ANKRD30B: variants seen among roughly 807,000 people sequenced by gnomAD.
ANKRD30B encodes the protein ankyrin repeat domain-containing protein 30B.
Under a neutral mutation model 202.2 loss-of-function variants are expected in ANKRD30B, and 144 were observed. That is an observed-to-expected ratio of 0.71 (90% CI 0.62 to 0.82). The LOEUF is 0.82. Among genes scored for constraint, ANKRD30B ranks in the 40% least tolerant of loss-of-function variants. The pLI, the probability that ANKRD30B is intolerant of heterozygous loss-of-function variation, is 0.00. For missense variants in ANKRD30B, 1,487 were observed against 1,669.1 expected (o/e 0.89, Z 1.90); for synonymous variants, 508 against 561.3 (o/e 0.91, Z 1.34).
chr18:14,886,327 G>A, the ANKRD30B span, among the ~76,000 whole-genome samples: 1 of 151,954 alleles, frequency 6.6e-6, no homozygotes, highest in East Asian at 1.9e-4. Flanking sequence ...TAAGAGGGAT[G>A]GAGGCCCCTT....
At chr18:14,910,562 A>G in the ANKRD30B span, among the ~76,000 whole-genome samples, 4 of 151,486 alleles carry the variant, frequency 2.6e-5, no homozygotes, top group African/African-American at 7.3e-5. Flanking sequence ...CATTTTTGCT[A>G]TTGGGAATAG....
At chr18:14,932,393 G>T in the ANKRD30B span, among the ~76,000 whole-genome samples, 2 of 152,006 alleles carry the variant, frequency 1.3e-5, no homozygotes, top group Admixed American at 6.5e-5. Flanking sequence ...CTGGAGTGGC[G>T]TGGCGCGATC....
chr18:14,761,449 C>T (rs1333023789), intron 6 of ANKRD30B, among the ~76,000 whole-genome samples: 2 of 131,664 alleles, frequency 1.5e-5, no homozygotes, highest in Non-Finnish European at 3.4e-5. Flanking sequence ...AGCCATCCTG[C>T]CCATGGGTGA....
chr18:14,848,842 T>C lies in ANKRD30B; in HGVS notation c.3308T>C (p.Leu1103Pro), dbSNP rs1308344038. 2.5e-6 allele frequency: 4 copies of C among 1,597,256 alleles called. No individual in the cohort carries two copies. Among genetic ancestry groups the C allele is most frequent in the Admixed American group, 3.5e-5 (2 of 57,366 alleles). Residue 1103 changes from leucine (L) to proline (P), a missense_variant, in exon 40 of 44, where the codon CTA (leucine) becomes CCA (proline). Physicochemically the swap from Leu to Pro is moderately conservative, Grantham distance 98. Transcript: ENST00000690538. ...MEQTKNKFCVLQKELSEAKEI... is the reference protein window; with the variant it reads ...MEQTKNKFCVPQKELSEAKEI... The stretch of plus-strand genomic sequence containing the variant: ...CAAACGAAAAATAAGTTTTGTGTAC[T>C]ACAAAAGGAACTGTCAGAAGCGAAA...
intron 37 of ANKRD30B, among the ~76,000 whole-genome samples, chr18:14,841,467 T>C (rs1448337402): frequency 1.3e-5 from 2 of 152,090 alleles, no homozygotes; most frequent in African/African-American, 4.8e-5. Flanking sequence ...GTTCAAGACA[T>C]AACAGGGTCA....
chr18:14,768,459 A>T (rs1916597278), intron 7 of ANKRD30B, among the ~76,000 whole-genome samples: 1 of 152,214 alleles, frequency 6.6e-6, no homozygotes, highest in Non-Finnish European at 1.5e-5. Flanking sequence ...TGGTTAGATG[A>T]TTCAGAAACC....
the ANKRD30B span, among the ~76,000 whole-genome samples, chr18:14,907,692 T>G: frequency 6.6e-6 from 1 of 152,206 alleles, no homozygotes; most frequent in Non-Finnish European, 1.5e-5. Context: ...TGTAGCTGTT[T>G]GGACAGAGAA....
chr18:14,890,182 C>T, the ANKRD30B span: 4 of 622,056 alleles, frequency 6.4e-6, no homozygotes, highest in Admixed American at 2.6e-5. Context: ...CTGTTTTAAT[C>T]GGAAGTTTTT....
chr18:14,892,182 A>G, the ANKRD30B span, among the ~76,000 whole-genome samples: 1 of 152,248 alleles, frequency 6.6e-6, no homozygotes, highest in Non-Finnish European at 1.5e-5. Context: ...TCTTTTAGAT[A>G]AAAAGAGAAT....
rs1476479022 is a variant in ANKRD30B at position 14,850,214 on chromosome 18, A to G, written c.3396A>G (p.Arg1132=). The change falls in exon 41 of 44, where the codon AGA becomes AGG. Residue 1132 remains arginine (R), a splice_region_variant and synonymous_variant. Transcript: ENST00000690538. ...AKWEQELCSV[R]LTLNQEEEKR... is the part of the protein sequence containing the mutation. ...TTAAGATAAGTATGTTTAATGGCAG[A>G]TTGACTTTAAATCAAGAAGAAGAGA... The G allele has an allele frequency of 6.5e-7, 1 of 1,533,010 alleles. No individual in the cohort carries two copies. The highest frequency in any genetic ancestry group is 8.8e-7 in the Non-Finnish European group (1 of 1,141,712). The allele number at this position is 1,533,010 out of a possible 1,614,324, so 95.0% of individuals were successfully genotyped here. A position where few individuals can be genotyped will look rare whatever the true frequency, so the allele number is the denominator to read the frequency against.
chr18:14,934,341 C>T, the ANKRD30B span, among the ~76,000 whole-genome samples: 5 of 152,214 alleles, frequency 3.3e-5, no homozygotes, highest in Admixed American at 6.5e-5. Context: ...AGTTCGATTC[C>T]TCTCCTTTCC....
chr18:14,760,147 T>C (rs966890357), intron 5 of ANKRD30B, among the ~76,000 whole-genome samples: 63 of 152,238 alleles, frequency 4.1e-4, no homozygotes, highest in African/African-American at 1.4e-3. Flanking sequence ...AAAAATGTTA[T>C]CTTGTTAAAT....
chr18:14,918,025 T>G, the ANKRD30B span, among the ~76,000 whole-genome samples: 5 of 152,146 alleles, frequency 3.3e-5, no homozygotes, highest in East Asian at 9.6e-4. Flanking sequence ...AGAAAACTTC[T>G]AATCCCTGGC....
chr18:14,893,613 CA>C, the ANKRD30B span, among the ~76,000 whole-genome samples: 6,177 of 125,884 alleles, frequency 0.049, 142 homozygotes, highest in Admixed American at 0.14. Context: ...CTCCATCTCA[CA>C]AAAAAAAAAA....
Position 14,780,003 on chromosome 18 carries a change from A to G in ANKRD30B, c.1464A>G (p.Glu488=). The G allele has an allele frequency of 1.2e-6, 2 of 1,605,582 alleles. No homozygotes were observed. The highest frequency in any genetic ancestry group is 8.5e-7 in the Non-Finnish European group (1 of 1,174,122). ...AATCCAAACGAGAGGAAGATGAAGA[A>G]TATTCTTGGGATTCTGGGGTATTGT... is the stretch of plus-strand genomic sequence containing the variant. ...PSESKREEDE[E]YSWDSGSLFE... The change falls in exon 11 of 44, where the codon GAA becomes GAG. Residue 488 remains glutamate, a synonymous_variant. Transcript: ENST00000690538.
At chr18:14,853,436 G>T (rs1340538123) in intron 42 of ANKRD30B, among the ~76,000 whole-genome samples, 3 of 152,036 alleles carry the variant, frequency 2.0e-5, no homozygotes, top group African/African-American at 4.8e-5. Flanking sequence ...AATTTCAGCA[G>T]GTGATTGAAT....
chr18:14,865,343 CT>C, the ANKRD30B span, among the ~76,000 whole-genome samples: 1 of 151,184 alleles, frequency 6.6e-6, no homozygotes, highest in East Asian at 2.0e-4. Flanking sequence ...TCTCTTCCCC[CT>C]CCCTCTCTGC....
rs577351606 is a variant in ANKRD30B at position 14,788,233 on chromosome 18, T to C, written c.1734+1133T>C. On this transcript the variant is annotated intron_variant, in intron 15 of 43. Coordinates refer to ENST00000690538, the MANE Select transcript of ANKRD30B (RefSeq NM_001367607.2). ...CATTTATTTTTGATGAGGACTACAATATAAGTTAGATATTTTTAAGAGAGA... is the reference window on the plus strand; with the variant it reads ...CATTTATTTTTGATGAGGACTACAACATAAGTTAGATATTTTTAAGAGAGA... Among the ~76,000 whole-genome samples, 360 of 152,320 alleles carry C rather than the reference T, an allele frequency of 2.4e-3. 3 individuals carry two copies. In the South Asian group the frequency reaches 0.029, roughly 12 times the overall value.
chr18:14,932,150 C>T, the ANKRD30B span, among the ~76,000 whole-genome samples: 1 of 150,908 alleles, frequency 6.6e-6, no homozygotes, highest in Non-Finnish European at 1.5e-5. Flanking sequence ...GGTCACCATC[C>T]TTCTCTGTCG....
Sources: gnomAD v4.1 joint callset for allele counts (sites outside exome capture counted in the v4.1 genomes callset) on GRCh38, gnomAD v4.1.1 for gene constraint, MANE v1.5 for transcripts, NCBI Gene and HGNC (gene_info 2026-07-23, HGNC 2026-07-21) for gene names.